TPH2: variants seen among roughly 807,000 people sequenced by gnomAD.
TPH2 encodes the protein tryptophan 5-hydroxylase 2.
A neutral mutation model predicts 59.1 loss-of-function variants in TPH2; 27 were observed. That is an observed-to-expected ratio of 0.46 (90% CI 0.34 to 0.63). The LOEUF (loss-of-function observed/expected upper bound fraction) is 0.63, where lower values mean the gene tolerates loss of function less well. Ranked by LOEUF, TPH2 falls within the 30% of genes least tolerant of loss-of-function variation. TPH2 has a pLI of 0.01. For synonymous variants in TPH2, 220 were observed against 210.5 expected (o/e 1.05, Z -0.39); for missense variants, 523 against 588.3 (o/e 0.89, Z 1.15).
chr12:72,021,356 A>AGTGTGTGTGTGTGTGT (rs57532900), intron 8 of TPH2, among the ~76,000 whole-genome samples: 1 of 143,322 alleles, frequency 7.0e-6, no homozygotes, highest in Non-Finnish European at 1.5e-5. Flanking sequence ...GGGCCAATAA[A>AGTGTGTGTGTGTGTGT]GTGTGTGTGT....
At chr12:72,008,848 T>C (rs1179386219) in intron 8 of TPH2, among the ~76,000 whole-genome samples, 1 of 152,134 alleles carries the variant, frequency 6.6e-6, no homozygotes, top group African/African-American at 2.4e-5. Context: ...AGCCAATTTG[T>C]TGCTACAAAG....
At chr12:71,961,135 T>C (rs1164476527) in intron 5 of TPH2, among the ~76,000 whole-genome samples, 1 of 152,190 alleles carries the variant, frequency 6.6e-6, no homozygotes, top group Non-Finnish European at 1.5e-5. Context: ...CTGATGTGTA[T>C]TGGTCAAGAG....
intron 8 of TPH2, among the ~76,000 whole-genome samples, chr12:72,018,902 A>T (rs1326473655): frequency 2.0e-5 from 3 of 152,322 alleles, no homozygotes; most frequent in African/African-American, 7.2e-5. Context: ...CCTGAGCTCT[A>T]GATCTCTTAA....
chr12:71,950,761 C>T (rs756184810), intron 5 of TPH2, among the ~76,000 whole-genome samples: 5 of 152,084 alleles, frequency 3.3e-5, no homozygotes, highest in Non-Finnish European at 7.4e-5. Context: ...GCGAATTTTT[C>T]ACTGGTGAAA....
intron 7 of TPH2, among the ~76,000 whole-genome samples, chr12:71,994,217 T>C (rs983488589): frequency 5.3e-5 from 8 of 152,368 alleles, no homozygotes; most frequent in African/African-American, 1.9e-4. Context: ...GTTGCTTTTA[T>C]GTTATTAAAA....
At chr12:71,939,400 A>AG (rs1870993794) in intron 1 of TPH2, among the ~76,000 whole-genome samples, 1 of 151,558 alleles carries the variant, frequency 6.6e-6, no homozygotes, top group Non-Finnish European at 1.5e-5. Flanking sequence ...ACAGCCAAAA[A>AG]AAAAAAAAAA....
At chr12:72,018,065 C>T (rs1873307749) in intron 8 of TPH2, among the ~76,000 whole-genome samples, 1 of 152,180 alleles carries the variant, frequency 6.6e-6, no homozygotes, top group Non-Finnish European at 1.5e-5. Flanking sequence ...ACACATGGAG[C>T]TGCAAATAGA....
intron 8 of TPH2, among the ~76,000 whole-genome samples, chr12:72,017,038 C>G (rs1177451456): frequency 1.3e-5 from 2 of 152,172 alleles, no homozygotes; most frequent in African/African-American, 2.4e-5. Context: ...TCATACATCT[C>G]TTTAATTGTG....
intron 7 of TPH2, among the ~76,000 whole-genome samples, chr12:71,989,282 C>T (rs923228875): frequency 2.6e-5 from 4 of 152,164 alleles, no homozygotes; most frequent in African/African-American, 9.7e-5. Flanking sequence ...AAAAAGTTGC[C>T]TCACTACCAA....
At position 71,961,455 on chromosome 12, in the gene TPH2, G is replaced by A. The variant is rs888483278; in HGVS notation, c.609-11064G>A. On this transcript the variant is annotated intron_variant, in intron 5 of 10. Coordinates refer to ENST00000333850, the MANE Select transcript of TPH2 (RefSeq NM_173353.4). ...TCATCTATCACTCTGAAAAAGATAG[G>A]GCCTAGTAGTTAGCTGTGTTCTGTC... is the stretch of plus-strand genomic sequence containing the variant. 13 of 1,102,216 alleles carry A rather than the reference G, an allele frequency of 1.2e-5. No individual in the cohort carries two copies. The African/African-American group carries it at 1.3e-4, about 11-fold the overall frequency. 68.3% of individuals were successfully genotyped at this position (1,102,216 alleles called of 1,614,324 possible). A position where few individuals can be genotyped will look rare whatever the true frequency, so the allele number is the denominator to read the frequency against.
rs542702744 is a variant in TPH2 at position 72,004,395 on chromosome 12, ACTT to A, written c.1068+9836_1068+9838del. On this transcript the variant is annotated intron_variant, in intron 8 of 10. Transcript: ENST00000333850. ...CTATGTCATACCCAGGTCTGGAAAT[ACTT>A]CTTCTCATCATTACCTAAAAAATTC... is the stretch of plus-strand genomic sequence containing the variant. Among the ~76,000 whole-genome samples, 235 of 150,452 alleles carry A rather than the reference ACTT, an allele frequency of 1.6e-3. 8 individuals are homozygous for A. The highest frequency in any genetic ancestry group is 5.6e-3 in the African/African-American group (230 of 41,238).
At chr12:71,987,153 G>A (rs1428685044) in intron 7 of TPH2, among the ~76,000 whole-genome samples, 1 of 152,118 alleles carries the variant, frequency 6.6e-6, no homozygotes, top group Non-Finnish European at 1.5e-5. Context: ...ATTTCCCTAA[G>A]GTTACACAAC....
At chr12:72,016,487 G>A (rs1873258276) in intron 8 of TPH2, among the ~76,000 whole-genome samples, 1 of 152,042 alleles carries the variant, frequency 6.6e-6, no homozygotes, top group African/African-American at 2.4e-5. Flanking sequence ...GGACCTGAGG[G>A]AGTATCTTAT....
rs946821225 is a variant in TPH2, at chr12:71,999,690, A to G, written c.1068+5125A>G. Among the ~76,000 whole-genome samples the G allele has an allele frequency of 2.6e-5, 4 of 152,362 alleles. No homozygotes were observed. In the East Asian group the frequency reaches 7.7e-4, roughly 29 times the overall value. The stretch of plus-strand genomic sequence containing the variant: ...TAAGGAGTATCAGAGCATGTGGACA[A>G]CTGGAGAATGTATATATTATGCTAA... On this transcript the variant is annotated intron_variant, in intron 8 of 10. Coordinates refer to ENST00000333850, the MANE Select transcript of TPH2 (RefSeq NM_173353.4).
chr12:71,966,557 T>G (rs1343943052), intron 5 of TPH2, among the ~76,000 whole-genome samples: 1 of 152,186 alleles, frequency 6.6e-6, no homozygotes. Context: ...AAACATCTCT[T>G]GAATAAGTGA....
intron 6 of TPH2, among the ~76,000 whole-genome samples, chr12:71,974,108 T>A (rs1229630942): frequency 6.6e-6 from 1 of 152,130 alleles, no homozygotes; most frequent in Admixed American, 6.5e-5. Context: ...CTTCATTGCC[T>A]GCTCTCTTTC....
At chr12:71,963,571 G>A (rs1389011678) in intron 5 of TPH2, among the ~76,000 whole-genome samples, 1 of 49,210 alleles carries the variant, frequency 2.0e-5, no homozygotes. Flanking sequence ...AGCTCTTTGG[G>A]AGGCCGAGGT....
At chr12:72,020,070 C>T (rs949728101) in intron 8 of TPH2, among the ~76,000 whole-genome samples, 3 of 152,202 alleles carry the variant, frequency 2.0e-5, no homozygotes, top group African/African-American at 7.2e-5. Flanking sequence ...AGACAATAGT[C>T]TAGATCAGTT....
intron 8 of TPH2, among the ~76,000 whole-genome samples, chr12:72,006,732 C>A (rs1047931969): frequency 2.0e-5 from 3 of 152,030 alleles, no homozygotes; most frequent in Non-Finnish European, 4.4e-5. Flanking sequence ...TTCAGAGGAA[C>A]CTGATTAGAA....
Sources: gnomAD v4.1 joint callset for allele counts (sites outside exome capture counted in the v4.1 genomes callset) on GRCh38, gnomAD v4.1.1 for gene constraint, MANE v1.5 for transcripts, NCBI Gene and HGNC (gene_info 2026-07-23, HGNC 2026-07-21) for gene names.